FAM89B: variants seen among roughly 807,000 people sequenced by gnomAD.
FAM89B encodes leucine repeat adapter protein 25.
Under a neutral mutation model 13.4 loss-of-function variants are expected in FAM89B, and 9 were observed. The ratio of observed to expected loss-of-function variants is 0.67; its 90% CI spans 0.40 to 1.17. The LOEUF is 1.17. FAM89B is among the 50% of genes most tolerant of loss of function. The pLI is 0.01. For missense variants in FAM89B, 256 were observed against 256.1 expected (o/e 1.00, Z 0.00); for synonymous variants, 138 against 121.2 (o/e 1.14, Z -0.91).
Position 65,573,780 on chromosome 11 carries a change from G to A in FAM89B, c.*139G>A. 1 of 1,057,534 alleles carries A rather than the reference G, an allele frequency of 9.5e-7. No homozygotes were observed. Among genetic ancestry groups the A allele is most frequent in the South Asian group, 1.6e-5 (1 of 60,702 alleles). 65.5% of individuals were successfully genotyped at this position (1,057,534 alleles called of 1,614,324 possible). A position where few individuals can be genotyped will look rare whatever the true frequency, so the allele number is the denominator to read the frequency against. ...AGGGCCAGGCATGTATTCCTCAGAGGCGAAACTGCCAAACTCTTTCTCCTG... is the reference window on the plus strand; with the variant it reads ...AGGGCCAGGCATGTATTCCTCAGAGACGAAACTGCCAAACTCTTTCTCCTG... On this transcript the variant is annotated 3_prime_UTR_variant, in exon 2 of 2. Transcript: ENST00000530349.
chr11:65,573,064 T>G, intron 1 of FAM89B, 104 bp downstream of exon 1: 1 of 1,075,706 alleles, frequency 9.3e-7, no homozygotes, highest in Admixed American at 4.2e-5. Flanking sequence ...AGGCACCAGT[T>G]GGGTTGCAAG....
intron 1 of FAM89B, 49 bp downstream of exon 1, chr11:65,573,009 A>G: frequency 8.2e-7 from 1 of 1,221,190 alleles, no homozygotes; most frequent in Non-Finnish European, 1.0e-6. Flanking sequence ...GACGCGGAGG[A>G]ACGCAGGGGA....
rs1045204682 is a variant in FAM89B at position 65,572,733 on chromosome 11, C to T, written c.64C>T (p.Pro22Ser). ...GGGCTGCGCTTTGGCCGGGCTCCCA[C>T]CGCTGCCGCGCGGCCTCAGCGGCCT... is the stretch of plus-strand genomic sequence containing the variant. ...GAGCALAGLP[P>S]LPRGLSGLLN... The change falls in exon 1 of 2, where the codon CCG becomes TCG. Residue 22 changes from proline (P) to serine (S), a missense_variant. By Grantham distance (74) the Pro-to-Ser change is moderately conservative (BLOSUM62 -1). Transcript: ENST00000530349. 30 of 1,167,908 alleles carry T rather than the reference C, an allele frequency of 2.6e-5. No individual in the cohort carries two copies. Among genetic ancestry groups the T allele is most frequent in the African/African-American group, 3.2e-5 (2 of 61,606 alleles). The allele number at this position is 1,167,908 out of a possible 1,614,324, so 72.3% of individuals were successfully genotyped here. A position where few individuals can be genotyped will look rare whatever the true frequency, so the allele number is the denominator to read the frequency against.
chr11:65,573,300 G>T, intron 1 of FAM89B, 63 bp from the exon 2 acceptor site: 1 of 1,454,650 alleles, frequency 6.9e-7, no homozygotes, highest in South Asian at 1.5e-5. Flanking sequence ...CACTATTCCA[G>T]GGGGCGGGGC....
Position 65,572,723 on chromosome 11 carries a change from CG to C in FAM89B, c.57del (p.Leu20SerfsTer36). ...APGGAGCALAGLPPLPRGLSG... is the reference protein window; with the variant it reads ...APGGAGCALAXLPPLPRGLSG... ...CGGGCGGGGCGGGCTGCGCTTTGGCCGGGCTCCCACCGCTGCCGCGCGGCCT... is the reference window on the plus strand; with the variant it reads ...CGGGCGGGGCGGGCTGCGCTTTGGCCGGCTCCCACCGCTGCCGCGCGGCCT... On this transcript the variant is annotated frameshift_variant, in exon 1 of 2. Transcript: ENST00000530349. LOFTEE classifies it high-confidence loss of function. 1 of 1,163,622 alleles carries C rather than the reference CG, an allele frequency of 8.6e-7. No individual in the cohort carries two copies. The highest frequency in any genetic ancestry group is 1.1e-6 in the Non-Finnish European group (1 of 944,218). 72.1% of individuals were successfully genotyped at this position (1,163,622 alleles called of 1,614,324 possible). A position where few individuals can be genotyped will look rare whatever the true frequency, so the allele number is the denominator to read the frequency against.
rs1306900705 is a variant in FAM89B, at chr11:65,573,805, G to A, written c.*164G>A. On this transcript the variant is annotated 3_prime_UTR_variant, in exon 2 of 2. Transcript: ENST00000530349. ...GCGAAACTGCCAAACTCTTTCTCCT[G>A]TCTTGGGTTGGCTGGCACTGGGGCG... The A allele has an allele frequency of 4.6e-6, 4 of 872,614 alleles. No individual in the cohort carries two copies. In the African/African-American group the frequency reaches 6.8e-5, roughly 15 times the overall value. 54.1% of individuals were successfully genotyped at this position (872,614 alleles called of 1,614,324 possible).
rs1475724782 is a variant in FAM89B, at chr11:65,573,019, A to T, written c.291+59A>T. 3.3e-6 allele frequency: 4 copies of T among 1,218,024 alleles called. No individual in the cohort carries two copies. In the Admixed American group the frequency reaches 1.7e-4, roughly 52 times the overall value. 75.5% of individuals were successfully genotyped at this position (1,218,024 alleles called of 1,614,324 possible). ...GGGCTGACGCGGAGGAACGCAGGGGACTGGGACAGGCGGCCTGGGTCTCAG... is the reference window on the plus strand; with the variant it reads ...GGGCTGACGCGGAGGAACGCAGGGGTCTGGGACAGGCGGCCTGGGTCTCAG... On this transcript the variant is annotated intron_variant, in intron 1 of 1. Coordinates refer to ENST00000530349, the MANE Select transcript of FAM89B (RefSeq NM_001098785.2).
intron 1 of FAM89B, 127 bp downstream of exon 1, chr11:65,573,087 A>G: frequency 2.2e-6 from 2 of 920,432 alleles, no homozygotes; most frequent in Non-Finnish European, 2.9e-6. Flanking sequence ...TTATGGTAAC[A>G]ATAATTAGTG....
At chr11:65,573,056 G>GCAC in intron 1 of FAM89B, 96 bp downstream of exon 1, 1 of 1,126,222 alleles carries the variant, frequency 8.9e-7, no homozygotes, top group Non-Finnish European at 1.1e-6. Flanking sequence ...GGACTTGCAG[G>GCAC]CACCAGTTGG....
rs1857168493 is a variant in FAM89B at position 65,573,478 on chromosome 11, C to T, written c.407C>T (p.Ser136Phe). 2 of 1,614,014 alleles carry T rather than the reference C, an allele frequency of 1.2e-6. No individual in the cohort carries two copies. Among genetic ancestry groups the T allele is most frequent in the Admixed American group, 1.7e-5 (1 of 60,000 alleles). Residue 136 changes from serine to phenylalanine, a missense_variant, in exon 2 of 2, where the codon TCC (serine) becomes TTC (phenylalanine). By Grantham distance (155) the Ser-to-Phe change is radical (BLOSUM62 -2). Transcript: ENST00000530349. Reference protein sequence around the residue: ...QDLSFCQDLSSSLHSDSSYPP... With the variant: ...QDLSFCQDLSFSLHSDSSYPP... ...CTGAGCTTCTGCCAGGACCTGTCAT[C>T]CTCCCTCCATTCGGACAGCTCCTAC...
In FAM89B at chr11:65,573,503, C is replaced by T; in HGVS notation, c.432C>T (p.Tyr144=). The T allele has an allele frequency of 1.2e-6, 2 of 1,614,164 alleles. No individual in the cohort carries two copies. Among genetic ancestry groups the T allele is most frequent in the Non-Finnish European group, 1.7e-6 (2 of 1,180,012 alleles). The change falls in exon 2 of 2, where the codon TAC becomes TAT. Residue 144 remains tyrosine, a synonymous_variant. Transcript: ENST00000530349. ...LSSSLHSDSS[Y]PPDAGLSDDE... is the part of the protein sequence containing the mutation. The stretch of plus-strand genomic sequence containing the variant: ...CCTCCCTCCATTCGGACAGCTCCTA[C>T]CCACCGGATGCGGGCCTGTCTGACG...
rs1468307300 is a variant in FAM89B at position 65,573,559 on chromosome 11, C to T, written c.488C>T (p.Pro163Leu). The T allele has an allele frequency of 2.5e-6, 4 of 1,613,716 alleles. No individual in the cohort carries two copies. In the African/African-American group the frequency reaches 5.3e-5, roughly 22 times the overall value. The change falls in exon 2 of 2, where the codon CCT becomes CTT. Residue 163 changes from proline to leucine, a missense_variant. Physicochemically the swap from Pro to Leu is moderately conservative, Grantham distance 98. Coordinates refer to ENST00000530349, the MANE Select transcript of FAM89B (RefSeq NM_001098785.2). ...DEEPPDASLP[P>L]DPPPLTVPQT... is the part of the protein sequence containing the mutation. ...GAGCCTCCCGATGCCAGCCTGCCTCCTGACCCGCCACCCCTTACTGTGCCC... is the reference window on the plus strand; with the variant it reads ...GAGCCTCCCGATGCCAGCCTGCCTCTTGACCCGCCACCCCTTACTGTGCCC...
In FAM89B at chr11:65,573,467, G is replaced by A. The variant is rs1857168451; in HGVS notation, c.396G>A (p.Gln132=). ...KHLCQDLSFC[Q]DLSSSLHSDS... The stretch of plus-strand genomic sequence containing the variant: ...TGTGCCAAGACCTGAGCTTCTGCCA[G>A]GACCTGTCATCCTCCCTCCATTCGG... Residue 132 remains glutamine (Q), a synonymous_variant, in exon 2 of 2, where the codon CAG becomes CAA. Transcript: ENST00000530349. The A allele has an allele frequency of 6.2e-7, 1 of 1,614,108 alleles. No individual in the cohort carries two copies.
rs1178386163 is a variant in FAM89B at position 65,572,755 on chromosome 11, GCCT to G, written c.90_92del (p.Leu31del). On this transcript the variant is annotated inframe_deletion, in exon 1 of 2. Transcript: ENST00000530349. The stretch of plus-strand genomic sequence containing the variant: ...CCACCGCTGCCGCGCGGCCTCAGCG[GCCT>G]CCTTAATGCGAGCGGGGGCTCGTGG... The G allele has an allele frequency of 8.5e-7, 1 of 1,181,800 alleles. No individual in the cohort carries two copies. The highest frequency in any genetic ancestry group is 1.0e-6 in the Non-Finnish European group (1 of 952,618). 73.2% of individuals were successfully genotyped at this position (1,181,800 alleles called of 1,614,324 possible).
chr11:65,572,774 G>A lies in FAM89B; in HGVS notation c.105G>A (p.Gly35=). The A allele has an allele frequency of 8.3e-7, 1 of 1,200,030 alleles. No homozygotes were observed. Among genetic ancestry groups the A allele is most frequent in the Non-Finnish European group, 1.0e-6 (1 of 960,744 alleles). 74.3% of individuals were successfully genotyped at this position (1,200,030 alleles called of 1,614,324 possible). A position where few individuals can be genotyped will look rare whatever the true frequency, so the allele number is the denominator to read the frequency against. ...TCAGCGGCCTCCTTAATGCGAGCGGGGGCTCGTGGCGGGAGCTGGAGCGCG... is the reference window on the plus strand; with the variant it reads ...TCAGCGGCCTCCTTAATGCGAGCGGAGGCTCGTGGCGGGAGCTGGAGCGCG... ...RGLSGLLNAS[G]GSWRELERVY... Residue 35 remains glycine (G), a synonymous_variant, in exon 1 of 2, where the codon GGG becomes GGA. Transcript: ENST00000530349.
chr11:65,573,042 CAG>C, intron 1 of FAM89B, 82 bp downstream of exon 1: 1 of 1,196,654 alleles, frequency 8.4e-7, no homozygotes, highest in Non-Finnish European at 1.0e-6. Context: ...GCCTGGGTCT[CAG>C]AGGACTTGCA....
At chr11:65,573,290 C>G in intron 1 of FAM89B, 73 bp from the exon 2 acceptor site, 1 of 1,423,156 alleles carries the variant, frequency 7.0e-7, no homozygotes, top group South Asian at 1.5e-5. Flanking sequence ...GGCTGGGGCC[C>G]ACTATTCCAG....
At position 65,572,779 on chromosome 11, in the gene FAM89B, C is replaced by A; in HGVS notation, c.110C>A (p.Ser37Ter). ...LSGLLNASGG[S>*]WRELERVYSQ... ...GGCCTCCTTAATGCGAGCGGGGGCT[C>A]GTGGCGGGAGCTGGAGCGCGTCTAC... The change falls in exon 1 of 2, where the codon TCG (serine) becomes TAG (stop). Residue 37 changes from serine (S) to a stop codon, truncating the protein, a stop_gained. Transcript: ENST00000530349. LOFTEE classifies it high-confidence loss of function. The A allele has an allele frequency of 1.7e-6, 2 of 1,196,066 alleles. No homozygotes were observed. The highest frequency in any genetic ancestry group is 2.1e-6 in the Non-Finnish European group (2 of 958,470). The allele number at this position is 1,196,066 out of a possible 1,614,324, so 74.1% of individuals were successfully genotyped here.
At position 65,573,851 on chromosome 11, in the gene FAM89B, T is replaced by C. The variant is rs1453233846; in HGVS notation, c.*210T>C. Reference sequence around the variant, plus strand: ...GGGCGGGCATCTAGGGTACAGCCTCTGCTCATGGCACTGGGCCTCCAGTTC... The same window carrying C: ...GGGCGGGCATCTAGGGTACAGCCTCCGCTCATGGCACTGGGCCTCCAGTTC... On this transcript the variant is annotated 3_prime_UTR_variant, in exon 2 of 2. Coordinates refer to ENST00000530349, the MANE Select transcript of FAM89B (RefSeq NM_001098785.2). 7 of 583,364 alleles carry C rather than the reference T, an allele frequency of 1.2e-5. No homozygotes were observed. Among genetic ancestry groups the C allele is most frequent in the Non-Finnish European group, 2.0e-5 (7 of 341,548 alleles). 36.1% of individuals were successfully genotyped at this position (583,364 alleles called of 1,614,324 possible). A position where few individuals can be genotyped will look rare whatever the true frequency, so the allele number is the denominator to read the frequency against.
Sources: allele counts gnomAD v4.1 joint callset, GRCh38; gene constraint gnomAD v4.1.1; transcripts MANE v1.5; gene names NCBI Gene and HGNC (gene_info 2026-07-23, HGNC 2026-07-21).